ITPK1: variants seen among roughly 807,000 people sequenced by gnomAD.
ITPK1 encodes inositol 1,3,4-trisphosphate 5/6-kinase.
Under a neutral mutation model 45.3 loss-of-function variants are expected in ITPK1, and 21 were observed. The ratio of observed to expected loss-of-function variants is 0.46; its 90% CI spans 0.33 to 0.67. The LOEUF is 0.67. Ranked by LOEUF, ITPK1 falls within the 30% of genes least tolerant of loss-of-function variation. The pLI, the probability that ITPK1 is intolerant of heterozygous loss-of-function variation, is 0.02. For synonymous variants in ITPK1, 258 were observed against 253.6 expected (o/e 1.02, Z -0.16); for missense variants, 474 against 573.5 (o/e 0.83, Z 1.77).
intron 2 of ITPK1, among the ~76,000 whole-genome samples, chr14:93,107,077 C>T (rs1892556850): frequency 1.3e-5 from 2 of 152,138 alleles, no homozygotes; most frequent in African/African-American, 4.8e-5. Context: ...CCTGCCTCAG[C>T]GTCCCAAGTA....
In ITPK1 at chr14:93,077,814, G is replaced by T. The variant is rs146504009; in HGVS notation, c.96-1195C>A. Among the ~76,000 whole-genome samples, 290 of 152,298 alleles carry T rather than the reference G, an allele frequency of 1.9e-3. 1 individual carries two copies. Among genetic ancestry groups the T allele is most frequent in the African/African-American group, 6.8e-3 (281 of 41,570 alleles). On this transcript the variant is annotated intron_variant, in intron 2 of 10. Transcript: ENST00000267615. The stretch of plus-strand genomic sequence containing the variant: ...ACCACTGTCTCGGCCCTTTGTTCTG[G>T]GGTATTGATTGCTACGAGCCAGGGA...
At position 92,997,214 on chromosome 14, in the gene ITPK1, C is replaced by T. The variant is rs77845680; in HGVS notation, c.247-3217G>A. ...ACTTAGAACACAGATGTGCTCCTTC[C>T]TCCCCTCGAAGTCCCAAGAAAAGTC... is the stretch of plus-strand genomic sequence containing the variant. On this transcript the variant is annotated intron_variant, in intron 4 of 10. Coordinates refer to ENST00000267615, the MANE Select transcript of ITPK1 (RefSeq NM_014216.6). 4.0e-3 allele frequency among the ~76,000 whole-genome samples: 606 copies of T among 152,316 alleles called. 3 individuals are homozygous for T. Among genetic ancestry groups the T allele is most frequent in the African/African-American group, 0.014 (563 of 41,558 alleles).
chr14:92,940,133 A>T lies in ITPK1; in HGVS notation c.*1428T>A. Reference sequence around the variant, plus strand: ...CTGCAGCCCAGCTGAGCCAGGCCGAAGGACCTCCATGCACTGGCTCGGGGG... The same window carrying T: ...CTGCAGCCCAGCTGAGCCAGGCCGATGGACCTCCATGCACTGGCTCGGGGG... On this transcript the variant is annotated 3_prime_UTR_variant, in exon 11 of 11. Coordinates refer to ENST00000267615, the MANE Select transcript of ITPK1 (RefSeq NM_014216.6). 1.0e-6 allele frequency: 1 copy of T among 985,800 alleles called. No individual in the cohort carries two copies. The highest frequency in any genetic ancestry group is 1.2e-6 in the Non-Finnish European group (1 of 830,062). 61.1% of individuals were successfully genotyped at this position (985,800 alleles called of 1,614,324 possible). A position where few individuals can be genotyped will look rare whatever the true frequency, so the allele number is the denominator to read the frequency against.
At chr14:93,088,335 TG>T (rs151020145) in intron 2 of ITPK1, among the ~76,000 whole-genome samples, 2,007 of 131,454 alleles carry the variant, frequency 0.015, 92 homozygotes, top group African/African-American at 0.066. Flanking sequence ...TTTTTGGTTT[TG>T]TTTTGTTTTT....
intron 2 of ITPK1, among the ~76,000 whole-genome samples, chr14:93,110,505 A>G (rs952279571): frequency 9.9e-5 from 15 of 152,220 alleles, no homozygotes; most frequent in Admixed American, 9.8e-4. Context: ...CCTATTTTAA[A>G]GGAACAAATG....
At chr14:93,003,425 AT>A (rs11352497) in intron 4 of ITPK1, among the ~76,000 whole-genome samples, 2,784 of 152,310 alleles carry the variant, frequency 0.018, 67 homozygotes, top group Admixed American at 0.076. Context: ...CTGCCTGTTG[AT>A]TACAGCTTAC....
At chr14:92,999,224 C>A (rs189529214) in intron 4 of ITPK1, among the ~76,000 whole-genome samples, 1 of 152,356 alleles carries the variant, frequency 6.6e-6, no homozygotes, top group East Asian at 1.9e-4. Context: ...CGGCTGCGCA[C>A]AAGGCAAGTC....
At chr14:92,967,502 C>A (rs1350131622) in intron 5 of ITPK1, among the ~76,000 whole-genome samples, 2 of 152,172 alleles carry the variant, frequency 1.3e-5, no homozygotes, top group East Asian at 3.9e-4. Context: ...GGGAAACAGT[C>A]TGGCAGTTTT....
At chr14:93,091,472 C>CTT (rs1287075699) in intron 2 of ITPK1, among the ~76,000 whole-genome samples, 1 of 152,230 alleles carries the variant, frequency 6.6e-6, no homozygotes, top group Non-Finnish European at 1.5e-5. Context: ...TTCATTCTCT[C>CTT]TTTTTAATCT....
At chr14:93,112,857 A>T (rs1407759273) in intron 2 of ITPK1, among the ~76,000 whole-genome samples, 1 of 151,880 alleles carries the variant, frequency 6.6e-6, no homozygotes, top group Non-Finnish European at 1.5e-5. Flanking sequence ...GGAAAACATG[A>T]TAATGTCCTT....
intron 10 of ITPK1, 70 bp from the exon 11 acceptor site, chr14:92,941,974 G>GGAGGCA: frequency 2.1e-6 from 3 of 1,400,204 alleles, no homozygotes; most frequent in Non-Finnish European, 3.0e-6. Context: ...AGGAGGAGGA[G>GGAGGCA]GAGGCAGAAC....
At chr14:92,951,339 T>G (rs1887944957) in intron 9 of ITPK1, among the ~76,000 whole-genome samples, 1 of 151,960 alleles carries the variant, frequency 6.6e-6, no homozygotes, top group Admixed American at 6.6e-5. Flanking sequence ...AGATCTGGGG[T>G]CAAACCCCAG....
At chr14:92,955,911 G>T (rs58516610) in intron 8 of ITPK1, among the ~76,000 whole-genome samples, 21,167 of 152,192 alleles carry the variant, frequency 0.14, 1,829 homozygotes, top group African/African-American at 0.24. Flanking sequence ...AAAGGCTGCT[G>T]TTGCATTACA....
intron 3 of ITPK1, among the ~76,000 whole-genome samples, chr14:93,040,869 A>G (rs1420342794): frequency 6.6e-6 from 1 of 152,140 alleles, no homozygotes; most frequent in Non-Finnish European, 1.5e-5. Context: ...CCTGGATGGA[A>G]GGCCCTGGGA....
At position 92,941,342 on chromosome 14, in the gene ITPK1, G is replaced by T; in HGVS notation, c.*219C>A. 1 of 1,411,106 alleles carries T rather than the reference G, an allele frequency of 7.1e-7. No individual in the cohort carries two copies. Among genetic ancestry groups the T allele is most frequent in the South Asian group, 1.6e-5 (1 of 63,372 alleles). The allele number at this position is 1,411,106 out of a possible 1,614,324, so 87.4% of individuals were successfully genotyped here. A position where few individuals can be genotyped will look rare whatever the true frequency, so the allele number is the denominator to read the frequency against. On this transcript the variant is annotated 3_prime_UTR_variant, in exon 11 of 11. Coordinates refer to ENST00000267615, the MANE Select transcript of ITPK1 (RefSeq NM_014216.6). ...AGGAGGTCTGCACAGTAGAGAGCAG[G>T]CGGACGGCCCCACTCCCCAACGGTG...
In ITPK1 at chr14:92,939,628, CACG is replaced by C. The variant is rs1280722088; in HGVS notation, c.*1930_*1932del. 1.0e-6 allele frequency: 1 copy of C among 973,116 alleles called. No homozygotes were observed. Among genetic ancestry groups the C allele is most frequent in the African/African-American group, 1.8e-5 (1 of 56,914 alleles). 60.3% of individuals were successfully genotyped at this position (973,116 alleles called of 1,614,324 possible). On this transcript the variant is annotated 3_prime_UTR_variant, in exon 11 of 11. Coordinates refer to ENST00000267615, the MANE Select transcript of ITPK1 (RefSeq NM_014216.6). ...CACCACGGAGGCCTATGGACGCCAC[CACG>C]ACACCACATGGCAGTTACTCGGTAT...
intron 2 of ITPK1, among the ~76,000 whole-genome samples, chr14:93,100,524 G>A (rs1268087310): frequency 6.6e-6 from 1 of 151,258 alleles, no homozygotes; most frequent in African/African-American, 2.4e-5. Context: ...AGGGGGCCGG[G>A]GGGAGAGAGG....
chr14:92,999,277 AC>A (rs1887215365), intron 4 of ITPK1, among the ~76,000 whole-genome samples: 1 of 152,222 alleles, frequency 6.6e-6, no homozygotes, highest in South Asian at 2.1e-4. Flanking sequence ...CGGGTCCCCC[AC>A]AGCACAGAGA....
chr14:93,001,740 G>A (rs962406133), intron 4 of ITPK1, among the ~76,000 whole-genome samples: 6 of 151,974 alleles, frequency 3.9e-5, no homozygotes, highest in African/African-American at 1.2e-4. Flanking sequence ...GCTTTCATGG[G>A]AAAGGAAGCG....
Sources: gnomAD v4.1 joint callset for allele counts (sites outside exome capture counted in the v4.1 genomes callset) on GRCh38, gnomAD v4.1.1 for gene constraint, MANE v1.5 for transcripts, NCBI Gene and HGNC (gene_info 2026-07-23, HGNC 2026-07-21) for gene names.